POLG2: variants seen among roughly 807,000 people sequenced by gnomAD.
POLG2 encodes the protein DNA polymerase subunit gamma-2.
POLG2 carries 50 observed loss-of-function variants against 56.5 expected under a neutral mutation model. The ratio of observed to expected loss-of-function variants is 0.88; its 90% CI spans 0.71 to 1.12. POLG2 has a LOEUF of 1.12. Ranked by LOEUF, POLG2 falls within the 50% of genes most tolerant of loss-of-function variation. The probability of loss-of-function intolerance (pLI) is 0.00; values close to 1 mark genes in which losing one functional copy is unlikely to be tolerated. For missense variants in POLG2, 584 were observed against 583.3 expected (o/e 1.00, Z -0.01); for synonymous variants, 226 against 222.6 (o/e 1.02, Z -0.14).
In POLG2 at chr17:64,481,293, GCTCA is replaced by G. The variant is rs2037851913; in HGVS notation, c.1192-908_1192-905del. ...ACGCCATTATCTTCTCCTTCTTTGA[GCTCA>G]CTATCTCCCATCTTCCCAGACCTCT... On this transcript the variant is annotated intron_variant, in intron 6 of 7. Transcript: ENST00000539111. The G allele has an allele frequency of 8.1e-6, 8 of 985,218 alleles. No homozygotes were observed. In the African/African-American group the frequency reaches 8.7e-5, roughly 11 times the overall value. The allele number at this position is 985,218 out of a possible 1,614,324, so 61.0% of individuals were successfully genotyped here.
chr17:64,484,149 A>AT (rs1555667052), intron 5 of POLG2: 1 of 152,206 alleles, frequency 6.6e-6, no homozygotes, highest in African/African-American at 2.4e-5. Flanking sequence ...AGTAAATAAT[A>AT]TATGTGAAGG....
chr17:64,489,987 C>T (rs553441902), intron 4 of POLG2, among the ~76,000 whole-genome samples: 4 of 151,830 alleles, frequency 2.6e-5, no homozygotes, highest in South Asian at 2.1e-4. Flanking sequence ...TGCAGTGGCA[C>T]GATCTTGGCT....
rs183957088 is a variant in POLG2, at chr17:64,482,478, C to T, written c.1191+441G>A. Among the ~76,000 whole-genome samples, 471 of 152,164 alleles carry T rather than the reference C, an allele frequency of 3.1e-3. 1 individual carries two copies. Among genetic ancestry groups the T allele is most frequent in the African/African-American group, 0.011 (451 of 41,512 alleles). On this transcript the variant is annotated intron_variant, in intron 6 of 7. Transcript: ENST00000539111. The stretch of plus-strand genomic sequence containing the variant: ...CTGGGACTACAGGTGCGTGCCACCA[C>T]GCCCAGCTAATTTTTGTATTTTTAG...
chr17:64,482,798 T>G (rs1466343290), intron 6 of POLG2, 121 bp downstream of exon 6: 4 of 674,128 alleles, frequency 5.9e-6, no homozygotes, highest in African/African-American at 3.6e-5. Flanking sequence ...GATTTTGGAT[T>G]TTTGGATTAG....
rs201112025 is a variant in POLG2, at chr17:64,493,011, T to C, written c.573A>G (p.Glu191=). The C allele has an allele frequency of 3.1e-6, 5 of 1,614,168 alleles. No homozygotes were observed. Among genetic ancestry groups the C allele is most frequent in the Non-Finnish European group, 4.2e-6 (5 of 1,179,994 alleles). Residue 191 remains glutamate (E), a synonymous_variant, in exon 2 of 8, where the codon GAA becomes GAG. Coordinates refer to ENST00000539111, the MANE Select transcript of POLG2 (RefSeq NM_007215.4). ...CCAGATCCAGGCAATTAACATAGTG[T>C]TCCAAGGCACCTGTCAAAAGATAAA... ...LRENLLHGAL[E]HYVNCLDLVN...
rs2038137077 is a variant in POLG2 at position 64,495,552 on chromosome 17, G to C, written c.562+855C>G. Among the ~76,000 whole-genome samples, 3 of 152,146 alleles carry C rather than the reference G, an allele frequency of 2.0e-5. 1 individual carries two copies. The South Asian group carries it at 6.2e-4, about 32-fold the overall frequency. ...TGATCACACCACTGCACTCGAGTCT[G>C]GGTGACAGAGTGAGACCCATATTCA... On this transcript the variant is annotated intron_variant, in intron 1 of 7. Transcript: ENST00000539111.
intron 5 of POLG2, 138 bp from the exon 6 acceptor site, chr17:64,483,137 G>C (rs1185463171): frequency 7.0e-6 from 4 of 572,184 alleles, no homozygotes; most frequent in Non-Finnish European, 1.3e-5. Context: ...TGTGAAAACA[G>C]AAGTTAGCTG....
intron 5 of POLG2, chr17:64,483,853 G>A (rs1014575775): frequency 6.6e-6 from 1 of 152,286 alleles, no homozygotes; most frequent in Non-Finnish European, 1.5e-5. Flanking sequence ...AGGGACTACA[G>A]GTGCACGCCA....
intron 7 of POLG2, among the ~76,000 whole-genome samples, chr17:64,479,752 AT>A (rs1386360915): frequency 1.3e-5 from 2 of 152,208 alleles, no homozygotes; most frequent in Non-Finnish European, 2.9e-5. Context: ...GATGAGATAC[AT>A]TTAGGAAGCA....
chr17:64,491,839 C>T (rs2144192728), intron 3 of POLG2: 1 of 410,822 alleles, frequency 2.4e-6, no homozygotes, highest in East Asian at 5.9e-5. Context: ...TGCAACCCCT[C>T]CATAAGCAAC....
At chr17:64,481,916 AAAT>A (rs1381841243) in intron 6 of POLG2, among the ~76,000 whole-genome samples, 1 of 151,742 alleles carries the variant, frequency 6.6e-6, no homozygotes, top group Non-Finnish European at 1.5e-5. Context: ...AAGGGGAAAG[AAAT>A]AATTCACATT....
chr17:64,482,556 G>A (rs1478214098), intron 6 of POLG2, among the ~76,000 whole-genome samples: 1 of 152,178 alleles, frequency 6.6e-6, no homozygotes, highest in African/African-American at 2.4e-5. Context: ...TTGACCTCGT[G>A]ATCCACCCGC....
At chr17:64,496,017 T>G (rs1252038635) in intron 1 of POLG2, among the ~76,000 whole-genome samples, 1 of 152,246 alleles carries the variant, frequency 6.6e-6, no homozygotes, top group Non-Finnish European at 1.5e-5. Flanking sequence ...CCTTGATTTA[T>G]CCTATGATAT....
At chr17:64,480,226 A>G (rs2037834016) in intron 7 of POLG2, 63 bp downstream of exon 7, 1 of 546,700 alleles carries the variant, frequency 1.8e-6, no homozygotes, top group Admixed American at 3.0e-5. Context: ...TGTTTCTGTA[A>G]TTCATAAACA....
intron 3 of POLG2, among the ~76,000 whole-genome samples, chr17:64,492,117 A>G (rs1295693013): frequency 6.6e-6 from 1 of 152,240 alleles, no homozygotes; most frequent in African/African-American, 2.4e-5. Context: ...AAAGTGGGAT[A>G]AAGAAGAAAG....
chr17:64,489,341 T>A (rs2038015417), intron 4 of POLG2, among the ~76,000 whole-genome samples: 1 of 140,862 alleles, frequency 7.1e-6, no homozygotes, highest in Admixed American at 7.2e-5. Flanking sequence ...CTAGAAGGAA[T>A]GATGGAATTT....
intron 4 of POLG2, among the ~76,000 whole-genome samples, chr17:64,487,857 A>G (rs571590047): frequency 6.6e-6 from 1 of 151,930 alleles, no homozygotes; most frequent in Non-Finnish European, 1.5e-5. Flanking sequence ...AACAAAAAAG[A>G]TTGTTTATTG....
Position 64,496,628 on chromosome 17 carries a change from C to T in POLG2, c.341G>A (p.Trp114Ter), listed in dbSNP as rs1064794586. Residue 114 changes from tryptophan (W) to a stop codon, truncating the protein, a stop_gained, in exon 1 of 8, where the codon TGG (tryptophan) becomes TAG (stop). Transcript: ENST00000539111. LOFTEE classifies it high-confidence loss of function. ...CCTGAACACCACCACCGAGGTCCACCATTCTGCGGCCAGGTTCTTCCGCAA... is the reference window on the plus strand; with the variant it reads ...CCTGAACACCACCACCGAGGTCCACTATTCTGCGGCCAGGTTCTTCCGCAA... ...VELRKNLAAE[W>*]WTSVVVFREQ... is the part of the protein sequence containing the mutation. 2.5e-6 allele frequency: 4 copies of T among 1,613,934 alleles called. No homozygotes were observed. The highest frequency in any genetic ancestry group is 2.2e-5 in the East Asian group (1 of 44,884).
Position 64,483,010 on chromosome 17 carries a change from T to G in POLG2, c.1111-11A>C, listed in dbSNP as rs1384201819. The G allele has an allele frequency of 4.1e-6, 6 of 1,457,516 alleles. No individual in the cohort carries two copies. Among genetic ancestry groups the G allele is most frequent in the Non-Finnish European group, 5.8e-6 (6 of 1,040,880 alleles). 90.3% of individuals were successfully genotyped at this position (1,457,516 alleles called of 1,614,324 possible). On this transcript the variant is annotated splice_polypyrimidine_tract_variant and intron_variant, in intron 5 of 7. Transcript: ENST00000539111. ...GTGAAGTTTAAGTACCTAAGGCAAT[T>G]AAATGGGGGAGGGAGAAGACAGGAA...
Sources: gnomAD v4.1 joint callset for allele counts (sites outside exome capture counted in the v4.1 genomes callset) on GRCh38, gnomAD v4.1.1 for gene constraint, MANE v1.5 for transcripts, NCBI Gene and HGNC (gene_info 2026-07-23, HGNC 2026-07-21) for gene names.